PCNX3: variants seen among roughly 807,000 people sequenced by gnomAD.
The protein encoded by PCNX3 is pecanex 3.
A neutral mutation model predicts 207.2 loss-of-function variants in PCNX3; 58 were observed. That is an observed-to-expected ratio of 0.28 (90% CI 0.23 to 0.35). The LOEUF (loss-of-function observed/expected upper bound fraction) is 0.35. PCNX3 is among the 10% of genes least tolerant of loss of function. PCNX3 has a pLI of 1.00. For missense variants in PCNX3, 2,410 were observed against 2,774.4 expected (o/e 0.87, Z 2.95); for synonymous variants, 1,337 against 1,183.5 (o/e 1.13, Z -2.66).
intron 22 of PCNX3, among the ~76,000 whole-genome samples, chr11:65,628,393 C>A (rs564233111): frequency 1.3e-5 from 2 of 152,198 alleles, no homozygotes; most frequent in Non-Finnish European, 2.9e-5. Context: ...GCCACCGCCC[C>A]CTTTGAGCTC....
In PCNX3 at chr11:65,625,104, C is replaced by T; in HGVS notation, c.2920-67C>T. ...TGAACTGGGCTCAGCAGTGGCTTCTCACACGGGGGCAGCCCGGGCCCCATG... is the reference window on the plus strand; with the variant it reads ...TGAACTGGGCTCAGCAGTGGCTTCTTACACGGGGGCAGCCCGGGCCCCATG... On this transcript the variant is annotated intron_variant, in intron 16 of 34. Transcript: ENST00000355703. This position sits in a 1 kb window ranked among gnomAD's most constrained non-coding sequence, Gnocchi z 5.6. 3 of 1,550,582 alleles carry T rather than the reference C, an allele frequency of 1.9e-6. No individual in the cohort carries two copies. Among genetic ancestry groups the T allele is most frequent in the African/African-American group, 1.4e-5 (1 of 73,630 alleles).
chr11:65,624,067 C>T (rs1855252412), intron 13 of PCNX3, 106 bp downstream of exon 13: 3 of 1,572,716 alleles, frequency 1.9e-6, no homozygotes, highest in Non-Finnish European at 2.6e-6. Flanking sequence ...CTCACCACCC[C>T]CATCACCCCC....
intron 34 of PCNX3, 28 bp from the exon 35 acceptor site, chr11:65,636,738 A>ACCCGCCAACCTCTCCCCCCTCC: frequency 6.5e-7 from 1 of 1,546,668 alleles, no homozygotes; most frequent in Non-Finnish European, 8.7e-7. Flanking sequence ...AGGCCTGCTC[A>ACCCGCCAACCTCTCCCCCCTCC]CCCGCCAACC....
At position 65,616,388 on chromosome 11, in the gene PCNX3, A is replaced by T. The variant is rs202185747; in HGVS notation, c.77A>T (p.His26Leu). 4.9e-5 allele frequency: 79 copies of T among 1,610,376 alleles called. No homozygotes were observed. In the African/African-American group the frequency reaches 8.8e-4, roughly 18 times the overall value. The change falls in exon 1 of 35, where the codon CAC becomes CTC. Residue 26 changes from histidine (H) to leucine (L), a missense_variant. His to Leu is a moderately conservative substitution (Grantham distance 99). This residue lies in a region of PCNX3 where 1,104 missense variants were observed against 970.3 expected (regional missense o/e 1.14). Transcript: ENST00000355703. ...SLTGGWFFDPHQSTFSNCFHL... is the reference protein window; with the variant it reads ...SLTGGWFFDPLQSTFSNCFHL... ...ACCGGCGGTTGGTTCTTCGACCCGC[A>T]CCAGAGCACCTTCTCCAACTGCTTC...
chr11:65,617,728 G>T, intron 5 of PCNX3, 22 bp downstream of exon 5: 1 of 1,550,700 alleles, frequency 6.4e-7, no homozygotes, highest in South Asian at 1.2e-5. Flanking sequence ...TTATGGGGCC[G>T]AGGCTTGTGG....
In PCNX3 at chr11:65,619,078, G is replaced by T; in HGVS notation, c.1705+11G>T. 6.3e-7 allele frequency: 1 copy of T among 1,577,478 alleles called. No individual in the cohort carries two copies. Among genetic ancestry groups the T allele is most frequent in the Non-Finnish European group, 8.6e-7 (1 of 1,167,176 alleles). ...GTGCTGTGGGGGGAGGTGAGTGCTT[G>T]CTCTAGAGGCAGGGGCTGGGGGACG... On this transcript the variant is annotated intron_variant, in intron 6 of 34. Transcript: ENST00000355703.
chr11:65,616,962 A>G lies in PCNX3; in HGVS notation c.292A>G (p.Met98Val), dbSNP rs771157574. The change falls in exon 2 of 35, where the codon ATG (methionine) becomes GTG (valine). Residue 98 changes from methionine to valine, a missense_variant. Around this residue, in one of 8 missense-constraint regions of PCNX3, gnomAD observed 1,104 missense variants for 970.3 expected, o/e 1.14. Coordinates refer to ENST00000355703, the MANE Select transcript of PCNX3 (RefSeq NM_032223.4). ...GATCGTGGAGAAGCGCAGCTCTACC[A>G]TGGGGGAGCTGGAGGAAGAGCCTGC... ...GEIVEKRSST[M>V]GELEEEPAQG... is the part of the protein sequence containing the mutation. The G allele has an allele frequency of 1.7e-4, 280 of 1,613,052 alleles. No homozygotes were observed. The highest frequency in any genetic ancestry group is 2.3e-4 in the Non-Finnish European group (268 of 1,179,800).
chr11:65,628,484 C>A, intron 22 of PCNX3, 111 bp from the exon 23 acceptor site: 1 of 1,029,940 alleles, frequency 9.7e-7, no homozygotes, highest in Non-Finnish European at 1.4e-6. Flanking sequence ...AGTTTGGCCC[C>A]CGTGGGCCAA....
intron 22 of PCNX3, among the ~76,000 whole-genome samples, chr11:65,627,816 A>G (rs1855465984): frequency 6.6e-6 from 1 of 152,180 alleles, no homozygotes; most frequent in African/African-American, 2.4e-5. Context: ...GTGGTCAGCC[A>G]GGATTTGAAC....
At chr11:65,619,370 G>C in intron 6 of PCNX3, 167 bp from the exon 7 acceptor site, 1 of 910,630 alleles carries the variant, frequency 1.1e-6, no homozygotes, top group Non-Finnish European at 1.3e-6. Flanking sequence ...ATCCTTGTTT[G>C]CAAGTAAGGA....
Position 65,636,838 on chromosome 11 carries a change from A to C in PCNX3, c.5965A>C (p.Arg1989=), listed in dbSNP as rs1855870416. The change falls in exon 35 of 35, where the codon AGA becomes CGA. Residue 1989 remains arginine, a synonymous_variant. Transcript: ENST00000355703. Reference sequence around the variant, plus strand: ...TGTCAGCACTGAGGCCTCACCCCCCAGAGCTTCCCAGGACATTCCTTGCTT... The same window carrying C: ...TGTCAGCACTGAGGCCTCACCCCCCCGAGCTTCCCAGGACATTCCTTGCTT... ...PDVSTEASPP[R]ASQDIPCLDS... 1 of 1,536,724 alleles carries C rather than the reference A, an allele frequency of 6.5e-7. No homozygotes were observed. The highest frequency in any genetic ancestry group is 8.7e-7 in the Non-Finnish European group (1 of 1,143,462).
rs772616033 is a variant in PCNX3 at position 65,619,654 on chromosome 11, C to T, written c.1823C>T (p.Pro608Leu). 4 of 1,597,018 alleles carry T rather than the reference C, an allele frequency of 2.5e-6. No individual in the cohort carries two copies. Among genetic ancestry groups the T allele is most frequent in the African/African-American group, 2.7e-5 (2 of 74,814 alleles). The change falls in exon 7 of 35, where the codon CCG (proline) becomes CTG (leucine). Residue 608 changes from proline to leucine, a missense_variant. Physicochemically the swap from Pro to Leu is moderately conservative, Grantham distance 98. Coordinates refer to ENST00000355703, the MANE Select transcript of PCNX3 (RefSeq NM_032223.4). ...CCTCCAGCCTCTGTCATGGGCTCGC[C>T]GCCCAGGTGAGCACCTTGCCAGCTG... ...PTPPASVMGS[P>L]PSSLQEAQRG...
chr11:65,620,369 C>T lies in PCNX3; in HGVS notation c.2039C>T (p.Ala680Val), dbSNP rs1565157095. The T allele has an allele frequency of 2.5e-6, 4 of 1,613,588 alleles. No individual in the cohort carries two copies. The highest frequency in any genetic ancestry group is 2.5e-6 in the Non-Finnish European group (3 of 1,179,828). Residue 680 changes from alanine (A) to valine (V), a missense_variant, in exon 9 of 35, where the codon GCT (alanine) becomes GTT (valine). By Grantham distance (64) the Ala-to-Val change is moderately conservative. Coordinates refer to ENST00000355703, the MANE Select transcript of PCNX3 (RefSeq NM_032223.4). ...GVRRSYTFGL[A>V]GGGYENPVGQ... ...CGGCGTTCCTACACCTTTGGCCTGG[C>T]TGGAGGCGGCTACGAGAACCCTGTA...
At chr11:65,633,075 G>A (rs1855679093) in intron 27 of PCNX3, among the ~76,000 whole-genome samples, 1 of 152,140 alleles carries the variant, frequency 6.6e-6, no homozygotes, top group Non-Finnish European at 1.5e-5. Flanking sequence ...CTTTTTAGCA[G>A]CTCTGGTGGT....
chr11:65,617,297 C>T lies in PCNX3; in HGVS notation c.389C>T (p.Pro130Leu), dbSNP rs756176913. The change falls in exon 3 of 35, where the codon CCC becomes CTC. Residue 130 changes from proline to leucine, a missense_variant. Pro to Leu is a moderately conservative substitution (Grantham distance 98). Transcript: ENST00000355703. ...GTGTTCCGGAAAGTCAGTTCCACAC[C>T]CCCGGTGCGCTGCAGCTCCCAGCAC... is the stretch of plus-strand genomic sequence containing the variant. ...MTVFRKVSST[P>L]PVRCSSQHSV... 1.2e-6 allele frequency: 2 copies of T among 1,611,580 alleles called. No homozygotes were observed. The highest frequency in any genetic ancestry group is 2.7e-5 in the African/African-American group (2 of 74,792).
chr11:65,629,207 T>A lies in PCNX3; in HGVS notation c.3942-150T>A, dbSNP rs146189026. ...TGGCTGTGTGTCCTGTGTGAGTCCC[T>A]TCATGTACCTGAGCCTCAGTCTCCT... is the stretch of plus-strand genomic sequence containing the variant. On this transcript the variant is annotated intron_variant, in intron 24 of 34. Coordinates refer to ENST00000355703, the MANE Select transcript of PCNX3 (RefSeq NM_032223.4). 5 of 950,680 alleles carry A rather than the reference T, an allele frequency of 5.3e-6. No homozygotes were observed. In the South Asian group the frequency reaches 6.0e-5, roughly 11 times the overall value. The allele number at this position is 950,680 out of a possible 1,614,324, so 58.9% of individuals were successfully genotyped here.
In PCNX3 at chr11:65,626,921, T is replaced by C; in HGVS notation, c.3397T>C (p.Trp1133Arg). ...CCACACAGGTGCCGCCCAGGTGATG[T>C]GGTTTGAGAAGCTGTATGCTGGCCT... ...YEVRGAAQVMWFEKLYAGLQC... is the reference protein window; with the variant it reads ...YEVRGAAQVMRFEKLYAGLQC... Residue 1133 changes from tryptophan to arginine, a missense_variant, in exon 21 of 35, where the codon TGG (tryptophan) becomes CGG (arginine). Physicochemically the swap from Trp to Arg is moderately radical, Grantham distance 101 (BLOSUM62 -3). This residue lies in a region of PCNX3 where 333 missense variants were observed against 386.8 expected (regional missense o/e 0.86). Transcript: ENST00000355703. 2 of 1,586,506 alleles carry C rather than the reference T, an allele frequency of 1.3e-6. No individual in the cohort carries two copies. Among genetic ancestry groups the C allele is most frequent in the Non-Finnish European group, 1.7e-6 (2 of 1,166,446 alleles).
Position 65,619,774 on chromosome 11 carries a change from G to A in PCNX3, c.1850G>A (p.Arg617Gln), listed in dbSNP as rs763170239. The stretch of plus-strand genomic sequence containing the variant: ...TCCAGCAGCCTGCAGGAAGCTCAGC[G>A]GGGCCGGGCTGCCTCCCACTCCCGG... ...SPPSSLQEAQ[R>Q]GRAASHSRAL... The change falls in exon 8 of 35, where the codon CGG (arginine) becomes CAG (glutamine). Residue 617 changes from arginine to glutamine, a missense_variant. By Grantham distance (43) the Arg-to-Gln change is conservative. Transcript: ENST00000355703. 6 of 1,577,266 alleles carry A rather than the reference G, an allele frequency of 3.8e-6. No individual in the cohort carries two copies. Among genetic ancestry groups the A allele is most frequent in the South Asian group, 1.1e-5 (1 of 87,748 alleles).
In PCNX3 at chr11:65,619,661, G is replaced by A; in HGVS notation, c.1829+1G>A. 6.3e-7 allele frequency: 1 copy of A among 1,595,358 alleles called. No individual in the cohort carries two copies. Reference sequence around the variant, plus strand: ...CCTCTGTCATGGGCTCGCCGCCCAGGTGAGCACCTTGCCAGCTGTGCCGAG... The same window carrying A: ...CCTCTGTCATGGGCTCGCCGCCCAGATGAGCACCTTGCCAGCTGTGCCGAG... On this transcript the variant is annotated splice_donor_variant, in intron 7 of 34. Coordinates refer to ENST00000355703, the MANE Select transcript of PCNX3 (RefSeq NM_032223.4). LOFTEE classifies it high-confidence loss of function.
Sources: allele counts gnomAD v4.1 joint callset (sites outside exome capture counted in the v4.1 genomes callset), GRCh38; gene constraint gnomAD v4.1.1; regional missense constraint gnomAD v4.1.1; non-coding constraint Gnocchi (gnomAD v3.1); transcripts MANE v1.5; gene names NCBI Gene and HGNC (gene_info 2026-07-23, HGNC 2026-07-21).